Variants in UTRN observed in about 807,000 individuals in gnomAD.
The protein encoded by UTRN is utrophin.
In UTRN, 283 loss-of-function variants were observed where a neutral mutation model predicts 463.9. The ratio of observed to expected loss-of-function variants is 0.61; its 90% CI spans 0.55 to 0.67. The LOEUF is 0.67. Among genes scored for constraint, UTRN ranks in the 30% least tolerant of loss-of-function variants. The pLI, the probability that UTRN is intolerant of heterozygous loss-of-function variation, is 0.00. For missense variants in UTRN, 3,922 were observed against 4,084.3 expected (o/e 0.96, Z 1.08); for synonymous variants, 1,442 against 1,431.5 (o/e 1.01, Z -0.17).
intron 3 of UTRN, among the ~76,000 whole-genome samples, chr6:144,416,460 GT>G (rs1784373703): frequency 6.6e-6 from 1 of 152,132 alleles, no homozygotes; most frequent in Non-Finnish European, 1.5e-5. Context: ...CCTCACATGT[GT>G]CATCACTGCA....
At chr6:144,744,723 G>A (rs1333141602) in intron 54 of UTRN, among the ~76,000 whole-genome samples, 1 of 151,696 alleles carries the variant, frequency 6.6e-6, no homozygotes, top group African/African-American at 2.4e-5. Context: ...AATTTATTTG[G>A]TTTTCTCCTG....
chr6:144,417,706 A>G (rs546596178), intron 3 of UTRN, among the ~76,000 whole-genome samples: 17 of 152,358 alleles, frequency 1.1e-4, no homozygotes, highest in African/African-American at 4.1e-4. Flanking sequence ...TTTAGTGTCT[A>G]TAAATAAAGT....
rs577505939 is a variant in UTRN, at chr6:144,460,238, T to C, written c.2707+884T>C. Among the ~76,000 whole-genome samples the C allele has an allele frequency of 3.9e-5, 6 of 152,358 alleles. No homozygotes were observed. In the East Asian group the frequency reaches 9.6e-4, roughly 24 times the overall value. On this transcript the variant is annotated intron_variant, in intron 21 of 74. Transcript: ENST00000367545. ...ATACACTTGGTTTTGGAAGGTTCAC[T>C]GTTAAAGATTTTGAAAGCTCATCCC...
At chr6:144,769,211 G>A (rs1293761097) in intron 58 of UTRN, among the ~76,000 whole-genome samples, 1 of 151,796 alleles carries the variant, frequency 6.6e-6, no homozygotes, top group Non-Finnish European at 1.5e-5. Context: ...GAGGAGCTGA[G>A]CTATCTGCAG....
intron 60 of UTRN, among the ~76,000 whole-genome samples, chr6:144,777,646 A>T (rs1775450912): frequency 6.6e-6 from 1 of 152,166 alleles, no homozygotes; most frequent in African/African-American, 2.4e-5. Flanking sequence ...TTGAAACTTT[A>T]TGTGATAGGT....
chr6:144,733,592 A>G (rs13202460), intron 54 of UTRN, among the ~76,000 whole-genome samples: 32,805 of 151,816 alleles, frequency 0.22, 4,723 homozygotes, highest in East Asian at 0.51. Flanking sequence ...TAGTTCCATA[A>G]CCAATCTATA....
In UTRN at chr6:144,542,824, G is replaced by A; in HGVS notation, c.6549G>A (p.Lys2183=). The change falls in exon 46 of 75, where the codon AAG becomes AAA. Residue 2183 remains lysine, a synonymous_variant. Coordinates refer to ENST00000367545, the MANE Select transcript of UTRN (RefSeq NM_007124.3). ...GCAGAGAGGTGCCTACCACCCTGAA[G>A]GAATGCATCCAGGAGCCCAGTTCTG... The part of the protein sequence containing the change: ...KICREVPTTL[K]ECIQEPSSVS... 1.2e-6 allele frequency: 2 copies of A among 1,613,778 alleles called. No individual in the cohort carries two copies. The highest frequency in any genetic ancestry group is 1.7e-6 in the Non-Finnish European group (2 of 1,179,880).
chr6:144,293,763 C>G (rs1226650702), intron 2 of UTRN, among the ~76,000 whole-genome samples: 1 of 152,008 alleles, frequency 6.6e-6, no homozygotes, highest in African/African-American at 2.4e-5. Flanking sequence ...GTTGTTTAAA[C>G]CTATTATTCT....
Position 144,424,041 on chromosome 6 carries a change from C to T in UTRN, c.368C>T (p.Thr123Ile). 6.2e-7 allele frequency: 1 copy of T among 1,614,134 alleles called. No individual in the cohort carries two copies. The highest frequency in any genetic ancestry group is 8.5e-7 in the Non-Finnish European group (1 of 1,180,018). ...ATTGTGGATGGAAATCACAAACTGA[C>T]TTTGGGGTTACTTTGGAGCATCATT... is the stretch of plus-strand genomic sequence containing the variant. ...TDIVDGNHKL[T>I]LGLLWSIILH... Residue 123 changes from threonine to isoleucine, a missense_variant, in exon 6 of 75, where the codon ACT (threonine) becomes ATT (isoleucine). This residue lies in a region of UTRN where 264 missense variants were observed against 327.9 expected (regional missense o/e 0.81). Coordinates refer to ENST00000367545, the MANE Select transcript of UTRN (RefSeq NM_007124.3).
At chr6:144,730,948 A>C (rs566907515) in intron 54 of UTRN, among the ~76,000 whole-genome samples, 2 of 151,290 alleles carry the variant, frequency 1.3e-5, no homozygotes, top group East Asian at 3.9e-4. Context: ...TTTAATTTAA[A>C]AATAATACCC....
intron 2 of UTRN, among the ~76,000 whole-genome samples, chr6:144,384,633 A>G (rs1297133047): frequency 2.0e-5 from 3 of 152,144 alleles, no homozygotes; most frequent in African/African-American, 7.2e-5. Context: ...TATTCTAGGT[A>G]CCTCATGTAA....
chr6:144,308,997 T>G (rs780152410), intron 2 of UTRN, among the ~76,000 whole-genome samples: 3 of 152,222 alleles, frequency 2.0e-5, no homozygotes, highest in Non-Finnish European at 4.4e-5. Flanking sequence ...AAAACTGCTC[T>G]TGTCAAAGTT....
chr6:144,504,289 G>A lies in UTRN; in HGVS notation c.4764+4862G>A, dbSNP rs529866845. ...TCCAATACTATATTGAATAGGAGTG[G>A]TGAGAGAGGGCATCCTTGTCTTGTG... On this transcript the variant is annotated intron_variant, in intron 34 of 74. Transcript: ENST00000367545. Among the ~76,000 whole-genome samples the A allele has an allele frequency of 1.3e-4, 20 of 152,292 alleles. No homozygotes were observed. The South Asian group carries it at 3.1e-3, about 24-fold the overall frequency.
At chr6:144,714,926 G>A (rs758236764) in intron 53 of UTRN, among the ~76,000 whole-genome samples, 2 of 152,028 alleles carry the variant, frequency 1.3e-5, no homozygotes, top group Non-Finnish European at 2.9e-5. Flanking sequence ...TTTTTCTTAC[G>A]TCACTGGTAG....
chr6:144,313,940 C>A (rs1182625329), intron 2 of UTRN, among the ~76,000 whole-genome samples: 4 of 152,114 alleles, frequency 2.6e-5, no homozygotes, highest in African/African-American at 4.8e-5. Context: ...CATTAATATT[C>A]ATATTTACTT....
rs1247437857 is a variant in UTRN, at chr6:144,514,679, C to A, written c.5103C>A (p.Asn1701Lys). The A allele has an allele frequency of 6.2e-6, 10 of 1,613,952 alleles. No homozygotes were observed. The highest frequency in any genetic ancestry group is 4.2e-6 in the Non-Finnish European group (5 of 1,180,008). Residue 1701 changes from asparagine (N) to lysine (K), a missense_variant, in exon 37 of 75, where the codon AAC becomes AAA. By Grantham distance (94) the Asn-to-Lys change is moderately conservative. Coordinates refer to ENST00000367545, the MANE Select transcript of UTRN (RefSeq NM_007124.3). ...TAGTATCTGAGCTGGATGATGCCAA[C>A]CTCCAGGTTGAAAATGTCCGCGATC... Reference protein sequence around the residue: ...KRLVSELDDANLQVENVRDQA... With the variant: ...KRLVSELDDAKLQVENVRDQA...
At chr6:144,787,557 G>A (rs780123678) in intron 61 of UTRN, among the ~76,000 whole-genome samples, 2 of 152,052 alleles carry the variant, frequency 1.3e-5, no homozygotes, top group East Asian at 1.9e-4. Context: ...CCCTAAGCAC[G>A]ATTTCCTTTC....
chr6:144,827,725 A>C, intron 68 of UTRN, 49 bp downstream of exon 68: 1 of 1,568,902 alleles, frequency 6.4e-7, no homozygotes, highest in Non-Finnish European at 8.7e-7. Flanking sequence ...CCCAGAATGT[A>C]TCTATGTCTA....
chr6:144,626,890 TG>T (rs1280219058), intron 51 of UTRN, among the ~76,000 whole-genome samples: 5 of 152,190 alleles, frequency 3.3e-5, no homozygotes, highest in Admixed American at 2.6e-4. Flanking sequence ...CACCTGGTGT[TG>T]TGGCTTTTCT....
Sources: gnomAD v4.1 joint callset for allele counts (sites outside exome capture counted in the v4.1 genomes callset) on GRCh38, gnomAD v4.1.1 for gene constraint, gnomAD v4.1.1 regional missense constraint, MANE v1.5 for transcripts, NCBI Gene and HGNC (gene_info 2026-07-23, HGNC 2026-07-21) for gene names.